EPHA2: variants seen among roughly 807,000 people sequenced by gnomAD.
EPHA2 encodes ephrin type-A receptor 2.
In EPHA2, 54 loss-of-function variants were observed where a neutral mutation model predicts 104.9. That is an observed-to-expected ratio of 0.51 (90% confidence interval 0.41 to 0.65). EPHA2 has a LOEUF of 0.65. EPHA2 is among the 30% of genes least tolerant of loss of function. The pLI is 0.00. For synonymous variants in EPHA2, 560 were observed against 559.1 expected (o/e 1.00, Z -0.02); for missense variants, 1,117 against 1,369.5 (o/e 0.82, Z 2.91).
chr1:16,154,788 A>G (rs1439427208), intron 1 of EPHA2, among the ~76,000 whole-genome samples: 1 of 150,418 alleles, frequency 6.6e-6, no homozygotes, highest in Non-Finnish European at 1.5e-5. Context: ...AAAGAAGGAA[A>G]CTTCTCACCG....
rs775810739 is a variant in EPHA2 at position 16,134,600 on chromosome 1, T to G, written c.1583-33A>C. On this transcript the variant is annotated intron_variant, in intron 7 of 16. Transcript: ENST00000358432. This position sits in a 1 kb window ranked among gnomAD's most constrained non-coding sequence, Gnocchi z 4.5. ...AAGAAATCAGCTGATGACAAGGGAGTTCCCCCACAAATTACAGCAACACCC... is the reference window on the plus strand; with the variant it reads ...AAGAAATCAGCTGATGACAAGGGAGGTCCCCCACAAATTACAGCAACACCC... The G allele has an allele frequency of 3.1e-6, 5 of 1,607,780 alleles. No individual in the cohort carries two copies. The highest frequency in any genetic ancestry group is 2.2e-5 in the South Asian group (2 of 90,520).
At chr1:16,140,534 CA>C (rs2124236079) in intron 3 of EPHA2, among the ~76,000 whole-genome samples, 1 of 152,354 alleles carries the variant, frequency 6.6e-6, no homozygotes, top group East Asian at 1.9e-4. Flanking sequence ...TGTCCAAGGT[CA>C]CCAAGCTCCC....
intron 1 of EPHA2, chr1:16,155,517 C>T (rs914485520): frequency 9.7e-6 from 3 of 308,348 alleles, no homozygotes; most frequent in Admixed American, 5.2e-5. Context: ...CCCAAACACC[C>T]CCTTCTCTAG....
At position 16,133,504 on chromosome 1, in the gene EPHA2, G is replaced by A. The variant is rs2124207038; in HGVS notation, c.1841C>T (p.Thr614Ile). Residue 614 changes from threonine (T) to isoleucine (I), a missense_variant, in exon 10 of 17, where the codon ACT becomes ATT. Thr to Ile is a moderately conservative substitution (Grantham distance 89). Transcript: ENST00000358432. ...ACCTGCTCCGATCACCTTCTGCCGA[G>A]TGACACAGGATGGATGGATCTCGGT... ...FTTEIHPSCV[T>I]RQKVIGAGEF... The A allele has an allele frequency of 1.2e-6, 2 of 1,614,126 alleles. No individual in the cohort carries two copies. Among genetic ancestry groups the A allele is most frequent in the Non-Finnish European group, 1.7e-6 (2 of 1,179,992 alleles).
In EPHA2 at chr1:16,135,745, G is replaced by A. The variant is rs774200156; in HGVS notation, c.1338C>T (p.Gly446=). 2.5e-6 allele frequency: 4 copies of A among 1,613,216 alleles called. No homozygotes were observed. Among genetic ancestry groups the A allele is most frequent in the Non-Finnish European group, 3.4e-6 (4 of 1,179,932 alleles). The change falls in exon 6 of 17, where the codon GGC becomes GGT. Residue 446 remains glycine, a synonymous_variant. Coordinates refer to ENST00000358432, the MANE Select transcript of EPHA2 (RefSeq NM_004431.5). This position sits in a 1 kb window ranked among gnomAD's most constrained non-coding sequence, Gnocchi z 4.3. ...AGACGCTAAGCGAGGTGGTGCTGCG[G>A]CCCTCCAGCCTCACCTTGGGGGGCT... The part of the protein sequence containing the change: ...QTEPPKVRLE[G]RSTTSLSVSW...
chr1:16,140,573 G>A (rs2024806693), intron 3 of EPHA2, among the ~76,000 whole-genome samples: 1 of 152,146 alleles, frequency 6.6e-6, no homozygotes. Context: ...TCAAACTTAG[G>A]ATGCCTGATT....
chr1:16,131,944 A>ACCCC lies in EPHA2; in HGVS notation c.2326-78_2326-75dup. 6.3e-7 allele frequency: 1 copy of ACCCC among 1,598,384 alleles called. No individual in the cohort carries two copies. Among genetic ancestry groups the ACCCC allele is most frequent in the South Asian group, 1.1e-5 (1 of 89,806 alleles). Reference sequence around the variant, plus strand: ...AGGACCATTGCAGCCAAGCCCCACGACCCCTCCCTGGACTCCTACAGGTGT... The same window carrying ACCCC: ...AGGACCATTGCAGCCAAGCCCCACGACCCCCCCCTCCCTGGACTCCTACAGGTGT... On this transcript the variant is annotated intron_variant, in intron 13 of 16. Coordinates refer to ENST00000358432, the MANE Select transcript of EPHA2 (RefSeq NM_004431.5). The surrounding 1 kb of genome is among the most constrained non-coding windows in gnomAD (Gnocchi z 5.2).
At position 16,131,867 on chromosome 1, in the gene EPHA2, C is replaced by T. The variant is rs922655349; in HGVS notation, c.2329G>A (p.Gly777Ser). ...GCGGTCCAGCGGATGGGGATCTTGC[C>T]GCCCTGCAGGGAACCCAGGCCCAGT... ...DPEATYTTSGGKIPIRWTAPE... is the reference protein window; with the variant it reads ...DPEATYTTSGSKIPIRWTAPE... The change falls in exon 14 of 17, where the codon GGC (glycine) becomes AGC (serine). Residue 777 changes from glycine (G) to serine (S), a missense_variant. This residue lies in a region of EPHA2 where 340 missense variants were observed against 480.5 expected (regional missense o/e 0.71). Transcript: ENST00000358432. This position sits in a 1 kb window ranked among gnomAD's most constrained non-coding sequence, Gnocchi z 5.2. The T allele has an allele frequency of 3.7e-6, 6 of 1,613,610 alleles. No homozygotes were observed. The highest frequency in any genetic ancestry group is 1.1e-5 in the South Asian group (1 of 91,044).
At chr1:16,147,838 T>C (rs2024962370) in intron 3 of EPHA2, among the ~76,000 whole-genome samples, 1 of 151,678 alleles carries the variant, frequency 6.6e-6, no homozygotes, top group Non-Finnish European at 1.5e-5. Flanking sequence ...TCATCAATCA[T>C]AAACTCCACA....
At chr1:16,145,328 C>T (rs1442336713) in intron 3 of EPHA2, among the ~76,000 whole-genome samples, 3 of 152,260 alleles carry the variant, frequency 2.0e-5, no homozygotes, top group Non-Finnish European at 4.4e-5. Flanking sequence ...TGACATAGTT[C>T]ATGGGAGCGC....
At position 16,134,308 on chromosome 1, in the gene EPHA2, C is replaced by A. The variant is rs1278581197; in HGVS notation, c.1682+160G>T. Among the ~76,000 whole-genome samples the A allele has an allele frequency of 2.0e-5, 3 of 152,098 alleles. No homozygotes were observed. The highest frequency in any genetic ancestry group is 4.4e-5 in the Non-Finnish European group (3 of 68,020). Reference sequence around the variant, plus strand: ...CGGCCCCGCCGCGTGCCAGGCACTTCGCTACACACTCTAACTCGTATATCC... The same window carrying A: ...CGGCCCCGCCGCGTGCCAGGCACTTAGCTACACACTCTAACTCGTATATCC... On this transcript the variant is annotated intron_variant, in intron 8 of 16. Coordinates refer to ENST00000358432, the MANE Select transcript of EPHA2 (RefSeq NM_004431.5). This position sits in a 1 kb window ranked among gnomAD's most constrained non-coding sequence, Gnocchi z 4.5.
Position 16,137,969 on chromosome 1 carries a change from A to C in EPHA2, c.1196T>G (p.Val399Gly). 3 of 1,614,196 alleles carry C rather than the reference A, an allele frequency of 1.9e-6. No individual in the cohort carries two copies. Among genetic ancestry groups the C allele is most frequent in the Non-Finnish European group, 2.5e-6 (3 of 1,180,046 alleles). The change falls in exon 5 of 17, where the codon GTG becomes GGG. Residue 399 changes from valine (V) to glycine (G), a missense_variant. Transcript: ENST00000358432. ...PHGLTRTSVTVSDLEPHMNYT... is the reference protein window; with the variant it reads ...PHGLTRTSVTGSDLEPHMNYT... ...GTTCATGTGGGGCTCCAGGTCGCTC[A>C]CTGTCACACTGGTGCGGGTCAGTCC...
At chr1:16,141,635 G>A (rs1346911756) in intron 3 of EPHA2, among the ~76,000 whole-genome samples, 2 of 152,228 alleles carry the variant, frequency 1.3e-5, no homozygotes, top group East Asian at 1.9e-4. Flanking sequence ...GCCCAGGCTC[G>A]GACCCACTGG....
intron 16 of EPHA2, among the ~76,000 whole-genome samples, chr1:16,127,746 G>T (rs916750055): frequency 2.4e-4 from 37 of 152,322 alleles, no homozygotes; most frequent in Non-Finnish European, 5.0e-4. Context: ...GGAGGAGCGG[G>T]TGGTGGGTGG....
intron 16 of EPHA2, among the ~76,000 whole-genome samples, chr1:16,127,486 T>C (rs931572551): frequency 1.3e-5 from 2 of 152,004 alleles, no homozygotes; most frequent in Non-Finnish European, 2.9e-5. Flanking sequence ...GCTGGTCCCC[T>C]GGGAGGGAGT....
At position 16,134,204 on chromosome 1, in the gene EPHA2, G is replaced by T. The variant is rs951786554; in HGVS notation, c.1682+264C>A. On this transcript the variant is annotated intron_variant, in intron 8 of 16. Transcript: ENST00000358432. This position sits in a 1 kb window ranked among gnomAD's most constrained non-coding sequence, Gnocchi z 4.5. ...GGCATTCCCATTAGAGCTACTCGGG[G>T]ATTCCTGCCTGCGTGTCCAGAGGAA... Among the ~76,000 whole-genome samples, 2 of 151,418 alleles carry T rather than the reference G, an allele frequency of 1.3e-5. No homozygotes were observed. Among genetic ancestry groups the T allele is most frequent in the African/African-American group, 4.9e-5 (2 of 41,154 alleles).
At position 16,141,815 on chromosome 1, in the gene EPHA2, CT is replaced by C. The variant is rs1196850597; in HGVS notation, c.824-3386del. Among the ~76,000 whole-genome samples, 5 of 152,266 alleles carry C rather than the reference CT, an allele frequency of 3.3e-5. No individual in the cohort carries two copies. In the East Asian group the frequency reaches 7.7e-4, roughly 23 times the overall value. ...AAGAGGGAATTTGGAGAGATTTCCGCTGCGGATGTGCCAGATAATACAGCAG... is the reference window on the plus strand; with the variant it reads ...AAGAGGGAATTTGGAGAGATTTCCGCGCGGATGTGCCAGATAATACAGCAG... On this transcript the variant is annotated intron_variant, in intron 3 of 16. Transcript: ENST00000358432.
intron 1 of EPHA2, among the ~76,000 whole-genome samples, chr1:16,152,965 G>A (rs928960488): frequency 2.6e-5 from 4 of 152,156 alleles, no homozygotes; most frequent in African/African-American, 9.7e-5. Context: ...TGACGCGGGC[G>A]CGGCTCTTTC....
chr1:16,141,962 C>T (rs1305195649), intron 3 of EPHA2, among the ~76,000 whole-genome samples: 1 of 152,198 alleles, frequency 6.6e-6, no homozygotes, highest in African/African-American at 2.4e-5. Flanking sequence ...TCAGGGGTCC[C>T]AGAGTTCATG....
Sources: gnomAD v4.1 joint callset for allele counts (sites outside exome capture counted in the v4.1 genomes callset) on GRCh38, gnomAD v4.1.1 for gene constraint, gnomAD v4.1.1 regional missense constraint, Gnocchi (gnomAD v3.1) non-coding constraint, MANE v1.5 for transcripts, NCBI Gene and HGNC (gene_info 2026-07-23, HGNC 2026-07-21) for gene names.